Variants in GPAT3 observed in about 807,000 individuals in gnomAD.
The protein encoded by GPAT3 is glycerol-3-phosphate acyltransferase 3, also known as 1-AGP acyltransferase 9.
A neutral mutation model predicts 58.8 loss-of-function variants in GPAT3; 53 were observed. The ratio of observed to expected loss-of-function variants is 0.90; its 90% CI spans 0.72 to 1.13. The LOEUF is 1.13. GPAT3 is among the 50% of genes most tolerant of loss of function. GPAT3 has a pLI of 0.00. For synonymous variants in GPAT3, 197 were observed against 187.4 expected (o/e 1.05, Z -0.42); for missense variants, 511 against 527.6 (o/e 0.97, Z 0.31).
At chr4:83,567,748 A>G (rs1408016695) in intron 2 of GPAT3, among the ~76,000 whole-genome samples, 1 of 152,142 alleles carries the variant, frequency 6.6e-6, no homozygotes, top group Non-Finnish European at 1.5e-5. Context: ...CCTGGGCAAC[A>G]TGGCAAAATC....
chr4:83,562,595 A>C (rs1323538917), intron 2 of GPAT3, among the ~76,000 whole-genome samples: 2 of 152,004 alleles, frequency 1.3e-5, no homozygotes, highest in Non-Finnish European at 2.9e-5. Context: ...AGGACTATAG[A>C]TGCATAGTTG....
chr4:83,588,706 T>C (rs1487017043), intron 5 of GPAT3, among the ~76,000 whole-genome samples: 2 of 152,152 alleles, frequency 1.3e-5, no homozygotes, highest in Non-Finnish European at 2.9e-5. Flanking sequence ...AACAATGAAG[T>C]TGACAGGTCT....
At chr4:83,557,530 G>A (rs1724983742) in intron 2 of GPAT3, among the ~76,000 whole-genome samples, 2 of 151,248 alleles carry the variant, frequency 1.3e-5, no homozygotes, top group African/African-American at 4.9e-5. Flanking sequence ...AAAAAAAATT[G>A]CAAAAAAATT....
chr4:83,596,807 TCCAC>T, intron 7 of GPAT3, 47 bp from the exon 8 acceptor site: 1 of 1,418,408 alleles, frequency 7.1e-7, no homozygotes, highest in Non-Finnish European at 9.9e-7. Flanking sequence ...AAAAAGGACA[TCCAC>T]CTCTCTCTTT....
chr4:83,543,921 A>G (rs1724404543), intron 1 of GPAT3, among the ~76,000 whole-genome samples: 1 of 152,148 alleles, frequency 6.6e-6, no homozygotes, highest in Non-Finnish European at 1.5e-5. Flanking sequence ...GATTACAGGC[A>G]TGAGCCAATC....
intron 2 of GPAT3, among the ~76,000 whole-genome samples, chr4:83,565,331 C>T (rs1289253622): frequency 1.3e-5 from 2 of 151,902 alleles, no homozygotes; most frequent in African/African-American, 4.8e-5. Context: ...GAACTCCTGA[C>T]CTCAAGTGAT....
At chr4:83,577,844 T>G (rs551247605) in intron 2 of GPAT3, among the ~76,000 whole-genome samples, 1 of 138,712 alleles carries the variant, frequency 7.2e-6, no homozygotes, top group African/African-American at 2.6e-5. Flanking sequence ...TTGCCCAGGC[T>G]GGAGTAGTGT....
At chr4:83,562,235 T>TATAA (rs1725197984) in intron 2 of GPAT3, among the ~76,000 whole-genome samples, 1 of 74,610 alleles carries the variant, frequency 1.3e-5, no homozygotes, top group African/African-American at 5.3e-5. Context: ...AATATATATA[T>TATAA]AATATATATA....
chr4:83,584,111 TG>T (rs1327494097), intron 3 of GPAT3, among the ~76,000 whole-genome samples: 3 of 152,228 alleles, frequency 2.0e-5, no homozygotes, highest in Non-Finnish European at 4.4e-5. Context: ...CCTTGTTTGT[TG>T]TTGGTTAGCT....
intron 3 of GPAT3, among the ~76,000 whole-genome samples, chr4:83,586,999 T>A (rs1237429133): frequency 6.6e-6 from 1 of 152,224 alleles, no homozygotes; most frequent in Non-Finnish European, 1.5e-5. Context: ...CACATGTGTT[T>A]GTTGTTGTTT....
At chr4:83,595,590 G>A (rs866361682) in intron 7 of GPAT3, among the ~76,000 whole-genome samples, 1 of 152,104 alleles carries the variant, frequency 6.6e-6, no homozygotes, top group African/African-American at 2.4e-5. Context: ...AAATGTGGTG[G>A]CATATGCCTG....
chr4:83,539,136 A>G (rs1370162453), intron 1 of GPAT3, among the ~76,000 whole-genome samples: 1 of 152,204 alleles, frequency 6.6e-6, no homozygotes, highest in Non-Finnish European at 1.5e-5. Flanking sequence ...CATTTCTGTT[A>G]GACTGGGGTT....
chr4:83,562,227 T>C (rs1158570098), intron 2 of GPAT3, among the ~76,000 whole-genome samples: 1 of 70,256 alleles, frequency 1.4e-5, no homozygotes, highest in African/African-American at 5.4e-5. Flanking sequence ...ATATATATAA[T>C]ATATATATAA....
chr4:83,604,619 A>T, intron 11 of GPAT3, 49 bp from the exon 12 acceptor site: 1 of 1,473,636 alleles, frequency 6.8e-7, no homozygotes, highest in Non-Finnish European at 9.4e-7. Flanking sequence ...TAACTCTTTT[A>T]AATCACCGCT....
intron 6 of GPAT3, among the ~76,000 whole-genome samples, chr4:83,591,093 G>A (rs370357219): frequency 4.6e-5 from 7 of 152,090 alleles, no homozygotes; most frequent in African/African-American, 1.7e-4. Context: ...ATGGTGGTGG[G>A]TTGGGCTTCA....
chr4:83,591,330 T>C (rs145168089), intron 6 of GPAT3, among the ~76,000 whole-genome samples: 593 of 152,372 alleles, frequency 3.9e-3, no homozygotes, highest in Non-Finnish European at 5.9e-3. Flanking sequence ...CTTATTGCCA[T>C]GTGTTTAATC....
chr4:83,598,244 G>A (rs919315408), intron 10 of GPAT3, 65 bp downstream of exon 10: 4 of 1,566,210 alleles, frequency 2.6e-6, no homozygotes, highest in Middle Eastern at 1.7e-4. Context: ...TGAAAATCTG[G>A]GTGTCTCCCT....
At chr4:83,536,096 C>T (rs1442987917), upstream of GPAT3, 2 of 985,466 alleles carry the variant, frequency 2.0e-6, no homozygotes, top group African/African-American at 1.7e-5. Flanking sequence ...CGCTGGGCGC[C>T]CGAGCGCAGC....
chr4:83,552,986 C>G (rs1189189350), intron 2 of GPAT3, among the ~76,000 whole-genome samples: 1 of 152,202 alleles, frequency 6.6e-6, no homozygotes, highest in Non-Finnish European at 1.5e-5. Context: ...TCACCAGAAC[C>G]TGACCCCACT....
Sources: allele counts gnomAD v4.1 joint callset (sites outside exome capture counted in the v4.1 genomes callset), GRCh38; gene constraint gnomAD v4.1.1; transcripts MANE v1.5; gene names NCBI Gene and HGNC (gene_info 2026-07-23, HGNC 2026-07-21).